FIP1L1: variants seen among roughly 807,000 people sequenced by gnomAD.
FIP1L1 encodes pre-mRNA 3'-end-processing factor FIP1.
Under a neutral mutation model 84.6 loss-of-function variants are expected in FIP1L1, and 21 were observed. The ratio of observed to expected loss-of-function variants is 0.25; its 90% confidence interval spans 0.18 to 0.36. The LOEUF is 0.36. Ranked by LOEUF, FIP1L1 falls within the 10% of genes least tolerant of loss-of-function variation. FIP1L1 has a pLI of 1.00. For missense variants in FIP1L1, 526 were observed against 751.1 expected, an observed-to-expected ratio of 0.70 and a Z score of 3.50; for synonymous variants, 263 against 242.3, an observed-to-expected ratio of 1.09 and a Z score of -0.80.
intron 13 of FIP1L1, among the ~76,000 whole-genome samples, chr4:53,438,956 G>A (rs1770697470): frequency 6.6e-6 from 1 of 151,920 alleles, no homozygotes; most frequent in East Asian, 1.9e-4. Flanking sequence ...ATATAGAATG[G>A]GTGGATGATT....
At chr4:53,410,232 G>A (rs982629228) in intron 10 of FIP1L1, among the ~76,000 whole-genome samples, 5 of 152,306 alleles carry the variant, frequency 3.3e-5, no homozygotes, top group African/African-American at 1.2e-4. Flanking sequence ...TCATGAGGAT[G>A]ATTTTTTTGA....
intron 5 of FIP1L1, among the ~76,000 whole-genome samples, chr4:53,387,189 C>T (rs1201257350): frequency 1.3e-5 from 2 of 152,112 alleles, no homozygotes; most frequent in Non-Finnish European, 2.9e-5. Context: ...TATAGTCAGG[C>T]ATGTGGTATA....
chr4:53,435,789 T>A (rs958684278), intron 13 of FIP1L1, among the ~76,000 whole-genome samples: 2 of 151,596 alleles, frequency 1.3e-5, no homozygotes, highest in African/African-American at 4.8e-5. Context: ...TACATTCTGG[T>A]TTGTATTTAA....
intron 11 of FIP1L1, among the ~76,000 whole-genome samples, chr4:53,415,429 C>CT (rs1404431574): frequency 6.6e-6 from 1 of 152,040 alleles, no homozygotes; most frequent in Non-Finnish European, 1.5e-5. Flanking sequence ...AGAGATTGTG[C>CT]TTTGATAACC....
chr4:53,447,163 CTA>C (rs1054465869), intron 15 of FIP1L1, among the ~76,000 whole-genome samples: 13 of 152,072 alleles, frequency 8.5e-5, no homozygotes, highest in Non-Finnish European at 1.5e-4. Flanking sequence ...TACAGCATTT[CTA>C]TATATGTTTA....
rs1230610231 is a variant in FIP1L1, at chr4:53,377,815, G to T, written c.-24G>T. 8 of 1,540,708 alleles carry T rather than the reference G, an allele frequency of 5.2e-6. No homozygotes were observed. The highest frequency in any genetic ancestry group is 7.0e-6 in the Non-Finnish European group (8 of 1,141,276). ...GTTGGAGGGGGCTGTTGATCGCCGC[G>T]TTTAAGTTGCGCTCGGGGCGGCCAT... On this transcript the variant is annotated 5_prime_UTR_variant, in exon 1 of 18. Transcript: ENST00000337488.
intron 13 of FIP1L1, among the ~76,000 whole-genome samples, chr4:53,431,804 G>A (rs891809200): frequency 6.6e-6 from 1 of 152,170 alleles, no homozygotes; most frequent in African/African-American, 2.4e-5. Context: ...AAGTAGATAA[G>A]TTACTGTTTA....
intron 5 of FIP1L1, among the ~76,000 whole-genome samples, chr4:53,385,304 T>C (rs1295799129): frequency 6.6e-6 from 1 of 152,134 alleles, no homozygotes; most frequent in African/African-American, 2.4e-5. Flanking sequence ...AATGACAATT[T>C]TTTTGGATTA....
chr4:53,395,480 G>A (rs1459571213), intron 9 of FIP1L1, among the ~76,000 whole-genome samples: 1 of 152,114 alleles, frequency 6.6e-6, no homozygotes, highest in African/African-American at 2.4e-5. Context: ...TAGGCTTTGG[G>A]GGGAAGGGGA....
At chr4:53,389,971 C>T in intron 6 of FIP1L1, 98 bp downstream of exon 6, 2 of 869,328 alleles carry the variant, frequency 2.3e-6, no homozygotes, top group Non-Finnish European at 3.6e-6. Flanking sequence ...CAGAGTCTGG[C>T]TCTGTCACTC....
chr4:53,439,458 T>C (rs2150187444), intron 13 of FIP1L1, among the ~76,000 whole-genome samples: 1 of 152,226 alleles, frequency 6.6e-6, no homozygotes, highest in Non-Finnish European at 1.5e-5. Context: ...TTAATCTAAA[T>C]CTCTTACTCT....
At chr4:53,411,856 A>G (rs1353467739) in intron 10 of FIP1L1, among the ~76,000 whole-genome samples, 1 of 152,122 alleles carries the variant, frequency 6.6e-6, no homozygotes. Context: ...TTTAAACGTT[A>G]GCATCTTAAC....
intron 10 of FIP1L1, among the ~76,000 whole-genome samples, chr4:53,407,585 G>A (rs1334051780): frequency 3.4e-5 from 4 of 116,394 alleles, no homozygotes; most frequent in Non-Finnish European, 2.0e-5. Flanking sequence ...CTGTCTCGTT[G>A]GTCTGTCTAA....
At chr4:53,427,642 A>T (rs569960042) in intron 12 of FIP1L1, among the ~76,000 whole-genome samples, 11 of 152,296 alleles carry the variant, frequency 7.2e-5, no homozygotes, top group African/African-American at 2.6e-4. Context: ...TCTGTGATTA[A>T]TGATTACATT....
chr4:53,414,521 T>C lies in FIP1L1; in HGVS notation c.816-94T>C, dbSNP rs1758571367. ...ACTGTAGGAACATACTAAAAGACTT[T>C]AGAAAAAGCATGTCAAGAAAAAAAA... On this transcript the variant is annotated intron_variant, in intron 10 of 17. Coordinates refer to ENST00000337488, the MANE Select transcript of FIP1L1 (RefSeq NM_030917.4). The C allele has an allele frequency of 8.2e-6, 6 of 734,946 alleles. No individual in the cohort carries two copies. In the South Asian group the frequency reaches 9.2e-5, roughly 11 times the overall value. 45.5% of individuals were successfully genotyped at this position (734,946 alleles called of 1,614,324 possible).
intron 13 of FIP1L1, chr4:53,440,798 C>T: frequency 1.9e-6 from 1 of 538,814 alleles, no homozygotes; most frequent in Non-Finnish European, 3.4e-6. Flanking sequence ...TTATACCTGT[C>T]TTACCCGTTT....
At position 53,423,340 on chromosome 4, in the gene FIP1L1, C is replaced by T. The variant is rs1466731333; in HGVS notation, c.924-2532C>T. Among the ~76,000 whole-genome samples, 3 of 152,106 alleles carry T rather than the reference C, an allele frequency of 2.0e-5. No individual in the cohort carries two copies. In the South Asian group the frequency reaches 6.2e-4, roughly 32 times the overall value. On this transcript the variant is annotated intron_variant, in intron 11 of 17. Coordinates refer to ENST00000337488, the MANE Select transcript of FIP1L1 (RefSeq NM_030917.4). The stretch of plus-strand genomic sequence containing the variant: ...TTTTGATAATAGCATTAGCTGTCTA[C>T]CTTACTGAACAAGTTTGTTGGCCTA...
Position 53,380,817 on chromosome 4 carries a change from A to G in FIP1L1, c.171-1461A>G, listed in dbSNP as rs185162470. ...TGAAAGTGATTGAATATTTCTTTGT[A>G]CCCATTCCTTCAGTTGGTCAAGAAA... On this transcript the variant is annotated intron_variant, in intron 3 of 17. Coordinates refer to ENST00000337488, the MANE Select transcript of FIP1L1 (RefSeq NM_030917.4). Among the ~76,000 whole-genome samples the G allele has an allele frequency of 4.7e-4, 71 of 152,304 alleles. No homozygotes were observed. In the East Asian group the frequency reaches 0.012, roughly 26 times the overall value.
At chr4:53,455,647 G>C (rs1192703171) in intron 16 of FIP1L1, among the ~76,000 whole-genome samples, 2 of 152,034 alleles carry the variant, frequency 1.3e-5, no homozygotes, top group African/African-American at 4.8e-5. Flanking sequence ...ACTAGATCCT[G>C]TTCAGAGATA....
Sources: gnomAD v4.1 joint callset for allele counts (sites outside exome capture counted in the v4.1 genomes callset) on GRCh38, gnomAD v4.1.1 for gene constraint, MANE v1.5 for transcripts, NCBI Gene and HGNC (gene_info 2026-07-23, HGNC 2026-07-21) for gene names.